Variants in KCNQ1 observed in about 807,000 individuals in gnomAD.
KCNQ1 encodes potassium voltage-gated channel subfamily KQT member 1.
KCNQ1 carries 49 observed loss-of-function variants against 72.4 expected under a neutral mutation model. The observed-to-expected ratio is 0.68, with a 90% CI of 0.54 to 0.86. The LOEUF is 0.86. Ranked by LOEUF, KCNQ1 falls within the 40% of genes least tolerant of loss-of-function variation. The pLI is 0.00. For missense variants in KCNQ1, 790 were observed against 945.1 expected (o/e 0.84, Z 2.15); for synonymous variants, 450 against 412.6 (o/e 1.09, Z -1.10).
Position 2,488,691 on chromosome 11 carries a change from AG to A in KCNQ1, c.387-39236del, listed in dbSNP as rs1180975538. On this transcript the variant is annotated intron_variant, in intron 1 of 15. Coordinates refer to ENST00000155840, the MANE Select transcript of KCNQ1 (RefSeq NM_000218.3). The surrounding 1 kb of genome is among the most constrained non-coding windows in gnomAD (Gnocchi z 5.1). ...TCCTTTTTATTTCTGTAGAATTGAT[AG>A]TCATGTCCCTATTTTCACTTCTGAT... is the stretch of plus-strand genomic sequence containing the variant. Among the ~76,000 whole-genome samples, 1 of 152,180 alleles carries A rather than the reference AG, an allele frequency of 6.6e-6. No homozygotes were observed. The highest frequency in any genetic ancestry group is 2.4e-5 in the African/African-American group (1 of 41,450).
At chr11:2,688,604 C>T in intron 11 of KCNQ1, 1 of 398,700 alleles carries the variant, frequency 2.5e-6, no homozygotes, top group Non-Finnish European at 4.4e-6. Flanking sequence ...GCCAGGCACT[C>T]ATCTTGTGCT....
intron 1 of KCNQ1, among the ~76,000 whole-genome samples, chr11:2,505,114 C>G (rs922568506): frequency 6.6e-6 from 1 of 151,396 alleles, no homozygotes. Context: ...AGGTTTGTTA[C>G]GTAGGTAAAT....
In KCNQ1 at chr11:2,446,378, C is replaced by T. The variant is rs959769026; in HGVS notation, c.386+894C>T. On this transcript the variant is annotated intron_variant, in intron 1 of 15. Coordinates refer to ENST00000155840, the MANE Select transcript of KCNQ1 (RefSeq NM_000218.3). This position sits in a 1 kb window ranked among gnomAD's most constrained non-coding sequence, Gnocchi z 8.8. ...GTGGTGCCAGCCTCTGGCCTGGGAG[C>T]CTCTACCCAGACATCCCATGGCTGA... Among the ~76,000 whole-genome samples the T allele has an allele frequency of 2.6e-5, 4 of 152,188 alleles. No homozygotes were observed. Among genetic ancestry groups the T allele is most frequent in the Non-Finnish European group, 5.9e-5 (4 of 68,024 alleles).
intron 1 of KCNQ1, among the ~76,000 whole-genome samples, chr11:2,480,044 A>T (rs557906694): frequency 1.6e-4 from 25 of 152,284 alleles, no homozygotes; most frequent in Non-Finnish European, 2.9e-4. Context: ...AAAGTTTCTC[A>T]TCTCCATCTG....
At chr11:2,834,793 G>A (rs1848027861) in intron 15 of KCNQ1, among the ~76,000 whole-genome samples, 2 of 152,204 alleles carry the variant, frequency 1.3e-5, no homozygotes, top group South Asian at 4.1e-4. Context: ...GAAGTGGGAA[G>A]GATCCCTTGG....
chr11:2,620,988 T>A lies in KCNQ1; in HGVS notation c.1393+32134T>A. On this transcript the variant is annotated intron_variant, in intron 10 of 15. Coordinates refer to ENST00000155840, the MANE Select transcript of KCNQ1 (RefSeq NM_000218.3). The surrounding 1 kb of genome is among the most constrained non-coding windows in gnomAD (Gnocchi z 4.5). ...TTTTTTGCTTTTTTGTTTGTTTGTT[T>A]GTTTTTTGAGAAAGAGTCTTGCTCT... 2.5e-6 allele frequency: 1 copy of A among 397,966 alleles called. No homozygotes were observed. The highest frequency in any genetic ancestry group is 4.4e-6 in the Non-Finnish European group (1 of 226,026). 24.7% of individuals were successfully genotyped at this position (397,966 alleles called of 1,614,324 possible). A position where few individuals can be genotyped will look rare whatever the true frequency, so the allele number is the denominator to read the frequency against.
intron 11 of KCNQ1, among the ~76,000 whole-genome samples, chr11:2,737,454 C>G (rs1845976488): frequency 6.6e-6 from 1 of 152,216 alleles, no homozygotes; most frequent in South Asian, 2.1e-4. Context: ...GGAGTTAATT[C>G]CTGGCCTTGT....
At chr11:2,760,856 C>T (rs1590072541) in intron 11 of KCNQ1, among the ~76,000 whole-genome samples, 2 of 152,312 alleles carry the variant, frequency 1.3e-5, no homozygotes, top group African/African-American at 4.8e-5. Context: ...GGGGAGCATA[C>T]AGTCGGACAG....
chr11:2,454,692 G>A (rs143356723), intron 1 of KCNQ1, among the ~76,000 whole-genome samples: 32 of 152,242 alleles, frequency 2.1e-4, no homozygotes, highest in Admixed American at 1.6e-3. Flanking sequence ...CTCAATAGAT[G>A]TAGAAAAAAA....
Position 2,541,849 on chromosome 11 carries a change from C to A in KCNQ1, c.477+13831C>A, listed in dbSNP as rs1002206685. Reference sequence around the variant, plus strand: ...GGAGCCCCTGTCAGAGGCGCTGAGGCCCAGGTCCTGTGGCTGGTCCTCGCA... The same window carrying A: ...GGAGCCCCTGTCAGAGGCGCTGAGGACCAGGTCCTGTGGCTGGTCCTCGCA... On this transcript the variant is annotated intron_variant, in intron 2 of 15. Transcript: ENST00000155840. This position sits in a 1 kb window ranked among gnomAD's most constrained non-coding sequence, Gnocchi z 4.8. 1.3e-5 allele frequency among the ~76,000 whole-genome samples: 2 copies of A among 152,150 alleles called. No homozygotes were observed. Among genetic ancestry groups the A allele is most frequent in the African/African-American group, 4.8e-5 (2 of 41,434 alleles).
chr11:2,568,390 G>A (rs1050985643), intron 2 of KCNQ1, among the ~76,000 whole-genome samples: 4 of 152,260 alleles, frequency 2.6e-5, no homozygotes, highest in African/African-American at 9.6e-5. Flanking sequence ...GAGCCGCTAT[G>A]CCTCCCCATC....
intron 10 of KCNQ1, chr11:2,622,305 C>T (rs1046026410): frequency 2.5e-6 from 1 of 398,276 alleles, no homozygotes; most frequent in Admixed American, 4.4e-5. Context: ...GTAATGTCCT[C>T]CTTTGTCTCC....
chr11:2,618,219 A>G, intron 10 of KCNQ1: 2 of 398,554 alleles, frequency 5.0e-6, no homozygotes, highest in African/African-American at 2.1e-5. Flanking sequence ...CAGCGATATC[A>G]AATCTTTTGG....
intron 11 of KCNQ1, among the ~76,000 whole-genome samples, chr11:2,740,050 G>C (rs1702665264): frequency 6.6e-6 from 1 of 152,230 alleles, no homozygotes; most frequent in Non-Finnish European, 1.5e-5. Flanking sequence ...TTCACCCTGA[G>C]CGTGCTGCTG....
intron 15 of KCNQ1, among the ~76,000 whole-genome samples, chr11:2,812,537 T>C (rs1475821652): frequency 6.6e-6 from 1 of 152,222 alleles, no homozygotes; most frequent in Non-Finnish European, 1.5e-5. Context: ...GGGAACAGCA[T>C]GTATGAAGGC....
At position 2,704,512 on chromosome 11, in the gene KCNQ1, A is replaced by C. The variant is rs1850874888; in HGVS notation, c.1514+42431A>C. ...CTTTTGGGCCTTGTAGGCTGTCGTC[A>C]GAGGGGAGGCACAGTGGGGAGTCTC... On this transcript the variant is annotated intron_variant, in intron 11 of 15. Transcript: ENST00000155840. This position sits in a 1 kb window ranked among gnomAD's most constrained non-coding sequence, Gnocchi z 4.3. 6.6e-6 allele frequency among the ~76,000 whole-genome samples: 1 copy of C among 152,180 alleles called. No individual in the cohort carries two copies. The highest frequency in any genetic ancestry group is 1.5e-5 in the Non-Finnish European group (1 of 68,036).
rs373015063 is a variant in KCNQ1 at position 2,520,348 on chromosome 11, G to A, written c.387-7580G>A. ...ACCTGTGCCTAGTGTCCAGCCCAGC[G>A]TGGGGCCCTCGGTGTGGGCCAGGGC... On this transcript the variant is annotated intron_variant, in intron 1 of 15. Coordinates refer to ENST00000155840, the MANE Select transcript of KCNQ1 (RefSeq NM_000218.3). Among the ~76,000 whole-genome samples, 335 of 152,340 alleles carry A rather than the reference G, an allele frequency of 2.2e-3. 1 individual carries two copies. Among genetic ancestry groups the A allele is most frequent in the African/African-American group, 7.6e-3 (316 of 41,586 alleles).
At chr11:2,825,678 AT>A (rs1344374818) in intron 15 of KCNQ1, among the ~76,000 whole-genome samples, 3 of 152,248 alleles carry the variant, frequency 2.0e-5, no homozygotes, top group African/African-American at 7.2e-5. Flanking sequence ...GCCATGAACA[AT>A]AAACAGACAA....
intron 11 of KCNQ1, chr11:2,667,761 C>T (rs1850108208): frequency 1.0e-5 from 4 of 398,692 alleles, no homozygotes; most frequent in Non-Finnish European, 1.8e-5. Context: ...GGCCTAGCGG[C>T]CCTGAAGGCC....
Sources: allele counts gnomAD v4.1 joint callset (sites outside exome capture counted in the v4.1 genomes callset), GRCh38; gene constraint gnomAD v4.1.1; non-coding constraint Gnocchi (gnomAD v3.1); transcripts MANE v1.5; gene names NCBI Gene and HGNC (gene_info 2026-07-23, HGNC 2026-07-21).